The following PDZRN3 variants were observed in gnomAD, a reference collection of about 807,000 sequenced individuals.
The protein encoded by PDZRN3 is PDZ domain containing ring finger 3.
In PDZRN3, 38 loss-of-function variants were observed where a neutral mutation model predicts 85.7. The observed-to-expected ratio is 0.44, with a 90% CI of 0.34 to 0.58. The LOEUF is 0.58. PDZRN3 is among the 20% of genes least tolerant of loss of function. PDZRN3 has a pLI of 0.01. For missense variants in PDZRN3, 1,629 were observed against 1,506.4 expected, an observed-to-expected ratio of 1.08 and a Z score of -1.35; for synonymous variants, 759 against 638.0, an observed-to-expected ratio of 1.19 and a Z score of -2.86.
intron 3 of PDZRN3, among the ~76,000 whole-genome samples, chr3:73,467,192 G>C (rs535994681): frequency 6.6e-6 from 1 of 152,288 alleles, no homozygotes; most frequent in South Asian, 2.1e-4. Context: ...CAAGCACCAT[G>C]TACTCGCAGT....
In PDZRN3 at chr3:73,384,061, C is replaced by T; in HGVS notation, c.2505G>A (p.Leu835=). The T allele has an allele frequency of 6.2e-7, 1 of 1,608,648 alleles. No homozygotes were observed. Among genetic ancestry groups the T allele is most frequent in the African/African-American group, 1.3e-5 (1 of 74,886 alleles). Residue 835 remains leucine, a synonymous_variant, in exon 10 of 10, where the codon CTG becomes CTA. Coordinates refer to ENST00000263666, the MANE Select transcript of PDZRN3 (RefSeq NM_015009.3). ...SLKELDPNQP[L]ESKERRASDG... is the part of the protein sequence containing the mutation. The stretch of plus-strand genomic sequence containing the variant: ...CGCTGGCTCTCCGCTCTTTGCTTTC[C>T]AGGGGCTGGTTGGGGTCCAGCTCCT...
At chr3:73,391,262 A>C in intron 5 of PDZRN3, 146 bp from the exon 6 acceptor site, 1 of 586,752 alleles carries the variant, frequency 1.7e-6, no homozygotes, top group Non-Finnish European at 3.1e-6. Context: ...TACTAAACAA[A>C]AAGTGATTAT....
At chr3:73,506,907 A>G (rs1013493622) in intron 3 of PDZRN3, among the ~76,000 whole-genome samples, 1 of 151,062 alleles carries the variant, frequency 6.6e-6, no homozygotes, top group Non-Finnish European at 1.5e-5. Flanking sequence ...AAAAAAAAAA[A>G]AACAAAAAAA....
chr3:73,431,078 C>T (rs1324205474), intron 3 of PDZRN3, among the ~76,000 whole-genome samples: 3 of 152,168 alleles, frequency 2.0e-5, no homozygotes, highest in Non-Finnish European at 4.4e-5. Context: ...CCTGACCTTA[C>T]GACCCCAGGT....
intron 3 of PDZRN3, among the ~76,000 whole-genome samples, chr3:73,404,755 T>C (rs1020760739): frequency 1.3e-5 from 2 of 152,224 alleles, no homozygotes; most frequent in African/African-American, 4.8e-5. Flanking sequence ...ATTCATTACA[T>C]TGTTATGTTT....
rs1477092912 is a variant in PDZRN3, at chr3:73,620,572, G to GTT, written c.723+3529_723+3530dup. Among the ~76,000 whole-genome samples the GTT allele has an allele frequency of 3.6e-4, 32 of 88,514 alleles. No homozygotes were observed. The East Asian group carries it at 7.1e-3, about 20-fold the overall frequency. The allele number at this position is 88,514 out of a possible 152,430, so 58.1% of individuals were successfully genotyped here. ...GTCATTTAACTGCTAGGCAGTCTGG[G>GTT]TTTTTTTTGTTTTTTTTTTTTTGAG... On this transcript the variant is annotated intron_variant, in intron 1 of 9. Transcript: ENST00000263666.
At chr3:73,620,086 C>CACT (rs1267922941) in intron 1 of PDZRN3, among the ~76,000 whole-genome samples, 1 of 152,202 alleles carries the variant, frequency 6.6e-6, no homozygotes, top group Non-Finnish European at 1.5e-5. Flanking sequence ...CCCCCATCAC[C>CACT]ACTACCACCA....
chr3:73,414,173 A>C (rs1358145290), intron 3 of PDZRN3, among the ~76,000 whole-genome samples: 2 of 152,320 alleles, frequency 1.3e-5, no homozygotes, highest in South Asian at 2.1e-4. Flanking sequence ...GCAACATCAC[A>C]CATTTTTTGA....
chr3:73,434,182 A>C (rs1479655762), intron 3 of PDZRN3, among the ~76,000 whole-genome samples: 1 of 152,226 alleles, frequency 6.6e-6, no homozygotes, highest in Non-Finnish European at 1.5e-5. Context: ...CAATTTTGCA[A>C]GCTATTTTCT....
intron 1 of PDZRN3, among the ~76,000 whole-genome samples, chr3:73,618,401 G>C (rs1379926701): frequency 6.6e-6 from 1 of 152,070 alleles, no homozygotes; most frequent in African/African-American, 2.4e-5. Flanking sequence ...GTGTGAGCTC[G>C]GAGATGGGCC....
chr3:73,534,202 G>A (rs1172589479), intron 3 of PDZRN3, among the ~76,000 whole-genome samples: 1 of 152,032 alleles, frequency 6.6e-6, no homozygotes, highest in Non-Finnish European at 1.5e-5. Context: ...TCAGAAGCAG[G>A]GCTCCTGCTT....
chr3:73,477,841 A>G (rs1703487075), intron 3 of PDZRN3, among the ~76,000 whole-genome samples: 1 of 152,192 alleles, frequency 6.6e-6, no homozygotes, highest in African/African-American at 2.4e-5. Flanking sequence ...CATGGCGGAA[A>G]GTGAATAAAG....
intron 3 of PDZRN3, among the ~76,000 whole-genome samples, chr3:73,445,065 C>T (rs1207868612): frequency 2.0e-5 from 3 of 152,016 alleles, no homozygotes; most frequent in African/African-American, 2.4e-5. Flanking sequence ...TATGAAATGG[C>T]GAGAGGGTGA....
intron 3 of PDZRN3, among the ~76,000 whole-genome samples, chr3:73,565,611 C>T (rs995885545): frequency 6.6e-6 from 1 of 152,040 alleles, no homozygotes; most frequent in African/African-American, 2.4e-5. Context: ...GGGACAAATC[C>T]TACCGCTTTC....
chr3:73,449,216 C>T (rs561262711), intron 3 of PDZRN3, among the ~76,000 whole-genome samples: 14 of 152,244 alleles, frequency 9.2e-5, no homozygotes, highest in African/African-American at 2.6e-4. Context: ...TGGGACCCAG[C>T]GTGCCATGTC....
chr3:73,548,268 T>C lies in PDZRN3; in HGVS notation c.918+54086A>G, dbSNP rs938176076. Among the ~76,000 whole-genome samples the C allele has an allele frequency of 2.0e-5, 3 of 152,126 alleles. No homozygotes were observed. The South Asian group carries it at 6.2e-4, about 32-fold the overall frequency. Reference sequence around the variant, plus strand: ...TGGGGTCTGTGGCTTTCTCTGATGATGTTTGAGGATTTGGAAGTTTCTTGT... The same window carrying C: ...TGGGGTCTGTGGCTTTCTCTGATGACGTTTGAGGATTTGGAAGTTTCTTGT... On this transcript the variant is annotated intron_variant, in intron 3 of 9. Coordinates refer to ENST00000263666, the MANE Select transcript of PDZRN3 (RefSeq NM_015009.3).
intron 3 of PDZRN3, among the ~76,000 whole-genome samples, chr3:73,499,934 C>G (rs1215281265): frequency 6.6e-6 from 1 of 151,890 alleles, no homozygotes; most frequent in Non-Finnish European, 1.5e-5. Context: ...ACACAGAAAG[C>G]CTGGTGGATA....
intron 3 of PDZRN3, among the ~76,000 whole-genome samples, chr3:73,555,962 G>A (rs534935141): frequency 6.6e-6 from 1 of 152,222 alleles, no homozygotes; most frequent in East Asian, 1.9e-4. Flanking sequence ...ACTGAAGAGG[G>A]TGATTCAGAA....
chr3:73,563,453 CA>C (rs1418734627), intron 3 of PDZRN3, among the ~76,000 whole-genome samples: 1 of 152,080 alleles, frequency 6.6e-6, no homozygotes, highest in East Asian at 1.9e-4. Context: ...CACCTTTACA[CA>C]GACTAAAACC....
Sources: allele counts gnomAD v4.1 joint callset (sites outside exome capture counted in the v4.1 genomes callset), GRCh38; gene constraint gnomAD v4.1.1; transcripts MANE v1.5; gene names NCBI Gene and HGNC (gene_info 2026-07-23, HGNC 2026-07-21).